POLA1: variants seen among roughly 807,000 people sequenced by gnomAD.
POLA1 encodes DNA polymerase alpha catalytic subunit.
A neutral mutation model predicts 124.0 loss-of-function variants in POLA1; 15 were observed. That is an observed-to-expected ratio of 0.12 (90% CI 0.08 to 0.19). POLA1 has a LOEUF of 0.19. Ranked by LOEUF, POLA1 falls within the 10% of genes least tolerant of loss-of-function variation. The probability of loss-of-function intolerance (pLI) is 1.00; values close to 1 mark genes in which losing one functional copy is unlikely to be tolerated. For missense variants in POLA1, 886 were observed against 1,103.4 expected (o/e 0.80, Z 2.79); for synonymous variants, 408 against 389.4 (o/e 1.05, Z -0.56).
intron 34 of POLA1, among the ~76,000 whole-genome samples, chrX:24,856,390 A>G (rs1367946997): frequency 8.9e-6 from 1 of 112,038 alleles, no homozygotes; most frequent in Non-Finnish European, 1.9e-5. Flanking sequence ...TGATCCATTT[A>G]CTCACTGAAG....
intron 4 of POLA1, among the ~76,000 whole-genome samples, chrX:24,708,475 T>G (rs1416330924): frequency 1.4e-5 from 1 of 73,160 alleles, no homozygotes; most frequent in Non-Finnish European, 2.6e-5. Flanking sequence ...GGAGGGAAGG[T>G]CAGCAGATAA....
intron 35 of POLA1, among the ~76,000 whole-genome samples, chrX:24,911,733 A>G (rs1229761773): frequency 9.0e-6 from 1 of 111,530 alleles, no homozygotes; most frequent in Non-Finnish European, 1.9e-5. Flanking sequence ...AAGAGAGAAG[A>G]TACAAATCAG....
intron 10 of POLA1, among the ~76,000 whole-genome samples, chrX:24,721,880 T>C (rs1334739453): frequency 8.9e-6 from 1 of 111,919 alleles, no homozygotes; most frequent in African/African-American, 3.2e-5. Flanking sequence ...CATTTTGTTT[T>C]TCCATCTTTA....
chrX:24,752,351 T>C (rs1407377151), intron 26 of POLA1, among the ~76,000 whole-genome samples: 1 of 112,383 alleles, frequency 8.9e-6, no homozygotes, highest in African/African-American at 3.2e-5. Context: ...AATGAGCTAA[T>C]GGGTAAGGAA....
intron 34 of POLA1, among the ~76,000 whole-genome samples, chrX:24,883,684 T>G (rs1224485493): frequency 8.9e-6 from 1 of 112,277 alleles, no homozygotes; most frequent in Non-Finnish European, 1.9e-5. Flanking sequence ...TGACTTCACC[T>G]CTTTTGAACT....
Position 24,912,464 on chromosome X carries a change from C to G in POLA1, c.4165-17989C>G, listed in dbSNP as rs11573470. On this transcript the variant is annotated intron_variant, in intron 35 of 36. Transcript: ENST00000379068. ...GAGAAAATGTTTTCAAATTACATAT[C>G]TAACAAAGGTCCTGTATCCAGTATA... is the stretch of plus-strand genomic sequence containing the variant. Among the ~76,000 whole-genome samples the G allele has an allele frequency of 3.4e-3, 378 of 111,751 alleles. 2 individuals carry two copies. The highest frequency in any genetic ancestry group is 0.01 in the African/African-American group (321 of 30,822).
At position 24,813,674 on chromosome X, in the gene POLA1, C is replaced by T. The variant is rs191943819; in HGVS notation, c.3296+811C>T. Among the ~76,000 whole-genome samples the T allele has an allele frequency of 4.5e-5, 5 of 111,010 alleles. No individual in the cohort carries two copies. The East Asian group carries it at 8.5e-4, about 19-fold the overall frequency. ...ACTAAAAATACAAGTATTAGCCAGG[C>T]GTGGTGGCACATGCCTGTAATCCCA... On this transcript the variant is annotated intron_variant, in intron 29 of 36. Transcript: ENST00000379068.
intron 26 of POLA1, among the ~76,000 whole-genome samples, chrX:24,751,460 C>T (rs1437881722): frequency 3.6e-5 from 4 of 111,995 alleles, no homozygotes; most frequent in South Asian, 3.7e-4. Context: ...GGATTTCAGA[C>T]GAATCTAGAA....
chrX:24,975,918 A>G (rs1038669929), intron 36 of POLA1, among the ~76,000 whole-genome samples: 1 of 112,637 alleles, frequency 8.9e-6, no homozygotes, highest in Non-Finnish European at 1.9e-5. Flanking sequence ...ATGTTTTCTG[A>G]TCACATTACA....
chrX:24,821,596 C>T lies in POLA1; in HGVS notation c.3561+13C>T. 8.5e-7 allele frequency: 1 copy of T among 1,175,016 alleles called. No homozygotes were observed. The highest frequency in any genetic ancestry group is 1.2e-6 in the Non-Finnish European group (1 of 866,272). ...TGTCATCTGTCAGGTAAACTATTGA[C>T]ATTCGTAAGACTCTGACACCTCTTA... On this transcript the variant is annotated intron_variant, in intron 31 of 36. Coordinates refer to ENST00000379068, the MANE Select transcript of POLA1 (RefSeq NM_001330360.2).
At chrX:24,895,563 T>G (rs758244210) in intron 35 of POLA1, among the ~76,000 whole-genome samples, 5 of 112,326 alleles carry the variant, frequency 4.5e-5, no homozygotes, top group Admixed American at 9.4e-5. Context: ...ATTGCTCTTT[T>G]TGTTACTAAA....
At chrX:24,957,591 A>G (rs1178364395) in intron 36 of POLA1, among the ~76,000 whole-genome samples, 1 of 112,173 alleles carries the variant, frequency 8.9e-6, no homozygotes, top group East Asian at 2.8e-4. Flanking sequence ...ATAGAGAAGT[A>G]CATATAAAAT....
chrX:24,859,546 G>A (rs1228773787), intron 34 of POLA1, among the ~76,000 whole-genome samples: 1 of 112,588 alleles, frequency 8.9e-6, no homozygotes, highest in Non-Finnish European at 1.9e-5. Flanking sequence ...CAGGCAAAAT[G>A]TCTTACTGTT....
At chrX:24,826,780 A>G (rs989706305) in intron 32 of POLA1, among the ~76,000 whole-genome samples, 179 bp downstream of exon 32, 3 of 111,913 alleles carry the variant, frequency 2.7e-5, no homozygotes, top group African/African-American at 9.8e-5. Context: ...TATGAGCTCC[A>G]CATACTTGCT....
At position 24,745,399 on chromosome X, in the gene POLA1, C is replaced by T. The variant is rs369609717; in HGVS notation, c.2567-19C>T. ...CTGCTTTTCTTTAGACTTTTTATGA[C>T]GTGGCTTTTTAATTTCAGGTTTTTA... On this transcript the variant is annotated intron_variant, in intron 23 of 36. Transcript: ENST00000379068. 124 of 1,123,268 alleles carry T rather than the reference C, an allele frequency of 1.1e-4. No individual in the cohort carries two copies. The highest frequency in any genetic ancestry group is 1.4e-4 in the Non-Finnish European group (121 of 838,139). 92.6% of individuals were successfully genotyped at this position (1,123,268 alleles called of 1,213,427 possible). A position where few individuals can be genotyped will look rare whatever the true frequency, so the allele number is the denominator to read the frequency against.
chrX:24,694,733 C>T (rs918299075), intron 1 of POLA1, among the ~76,000 whole-genome samples: 5 of 112,130 alleles, frequency 4.5e-5, no homozygotes, highest in African/African-American at 1.6e-4. Flanking sequence ...TTTAAGTGTT[C>T]AACTAAAGCG....
Position 24,996,012 on chromosome X carries a change from C to T in POLA1, c.*62C>T, listed in dbSNP as rs183032566. ...AAAATCCCAGCTTCCTCTGTGCCTC[C>T]ACTCTGGCCCTAAATGCTCCTCCAG... On this transcript the variant is annotated 3_prime_UTR_variant, in exon 37 of 37. Transcript: ENST00000379068. 46 of 1,013,492 alleles carry T rather than the reference C, an allele frequency of 4.5e-5. No homozygotes were observed. The East Asian group carries it at 1.3e-3, about 29-fold the overall frequency. The allele number at this position is 1,013,492 out of a possible 1,213,427, so 83.5% of individuals were successfully genotyped here.
chrX:24,915,612 A>G (rs575749419), intron 35 of POLA1, among the ~76,000 whole-genome samples: 2 of 112,239 alleles, frequency 1.8e-5, no homozygotes, highest in South Asian at 7.6e-4. Context: ...AATGAAATTC[A>G]CAGATAATGA....
chrX:24,772,917 A>G (rs961125058), intron 26 of POLA1, among the ~76,000 whole-genome samples: 1 of 112,014 alleles, frequency 8.9e-6, no homozygotes, highest in Admixed American at 9.5e-5. Context: ...TAGCAAAGAC[A>G]TAGAATCAAC....
Sources: allele counts gnomAD v4.1 joint callset (sites outside exome capture counted in the v4.1 genomes callset), GRCh38; gene constraint gnomAD v4.1.1; transcripts MANE v1.5; gene names NCBI Gene and HGNC (gene_info 2026-07-23, HGNC 2026-07-21).